The following CACNA2D4 variants were observed in gnomAD, a reference collection of about 807,000 sequenced individuals.
CACNA2D4 encodes calcium voltage-gated channel auxiliary subunit alpha2delta 4.
In CACNA2D4, 157 loss-of-function variants were observed where a neutral mutation model predicts 163.8. The ratio of observed to expected loss-of-function variants is 0.96; its 90% CI spans 0.84 to 1.09. The LOEUF (loss-of-function observed/expected upper bound fraction) is 1.09, where lower values mean the gene tolerates loss of function less well. CACNA2D4 is among the 50% of genes least tolerant of loss of function. The pLI, the probability that CACNA2D4 is intolerant of heterozygous loss-of-function variation, is 0.00. For synonymous variants in CACNA2D4, 598 were observed against 586.9 expected, an observed-to-expected ratio of 1.02 and a Z score of -0.27; for missense variants, 1,410 against 1,479.9, an observed-to-expected ratio of 0.95 and a Z score of 0.78.
At position 1,834,810 on chromosome 12, in the gene CACNA2D4, C is replaced by T; in HGVS notation, c.2551+5929G>A. The stretch of plus-strand genomic sequence containing the variant: ...GCTCCCACCTTGACCCGGCGCTGGC[C>T]ACTGCCTCCCCGAGTCCACCCTCCT... On this transcript the variant is annotated intron_variant, in intron 26 of 37. Coordinates refer to ENST00000382722, the MANE Select transcript of CACNA2D4 (RefSeq NM_172364.5). The surrounding 1 kb of genome is among the most constrained non-coding windows in gnomAD (Gnocchi z 7.6). The T allele has an allele frequency of 6.9e-7, 1 of 1,459,422 alleles. No homozygotes were observed. The highest frequency in any genetic ancestry group is 9.0e-7 in the Non-Finnish European group (1 of 1,109,318). 90.4% of individuals were successfully genotyped at this position (1,459,422 alleles called of 1,614,324 possible). A position where few individuals can be genotyped will look rare whatever the true frequency, so the allele number is the denominator to read the frequency against.
chr12:1,819,295 C>G (rs1357958586), intron 26 of CACNA2D4, among the ~76,000 whole-genome samples: 1 of 152,074 alleles, frequency 6.6e-6, no homozygotes, highest in Non-Finnish European at 1.5e-5. Flanking sequence ...GTGGGAGGCA[C>G]CAGCATGAGA....
chr12:1,836,725 G>A (rs1050819176), intron 26 of CACNA2D4: 20 of 152,664 alleles, frequency 1.3e-4, no homozygotes, highest in Admixed American at 1.2e-3. Context: ...TGTTTCAGAA[G>A]ACCAATAAAG....
In CACNA2D4 at chr12:1,800,927, G is replaced by C. The variant is rs376162064; in HGVS notation, c.2868+116C>G. 2.4e-5 allele frequency: 21 copies of C among 882,410 alleles called. No homozygotes were observed. In the African/African-American group the frequency reaches 3.3e-4, roughly 14 times the overall value. The allele number at this position is 882,410 out of a possible 1,614,324, so 54.7% of individuals were successfully genotyped here. A position where few individuals can be genotyped will look rare whatever the true frequency, so the allele number is the denominator to read the frequency against. ...GCAGAAGATGGAGATGGTCAAGGTA[G>C]GGCCCTGGGGCCAGACACCCAAGGT... On this transcript the variant is annotated intron_variant, in intron 31 of 37. Transcript: ENST00000382722.
chr12:1,844,546 G>A lies in CACNA2D4; in HGVS notation c.2343-17C>T. On this transcript the variant is annotated splice_polypyrimidine_tract_variant and intron_variant, in intron 24 of 37. Transcript: ENST00000382722. The surrounding 1 kb of genome is among the most constrained non-coding windows in gnomAD (Gnocchi z 4.2). Reference sequence around the variant, plus strand: ...AGGAACTTCCTGCAAGGAGGAAGATGTGGTACCTCTCCCCAGATCTGTGAA... The same window carrying A: ...AGGAACTTCCTGCAAGGAGGAAGATATGGTACCTCTCCCCAGATCTGTGAA... The A allele has an allele frequency of 1.9e-6, 3 of 1,610,600 alleles. No homozygotes were observed. Among genetic ancestry groups the A allele is most frequent in the East Asian group, 2.2e-5 (1 of 44,816 alleles).
chr12:1,910,193 C>T (rs1486070343), intron 3 of CACNA2D4, among the ~76,000 whole-genome samples: 1 of 152,258 alleles, frequency 6.6e-6, no homozygotes, highest in African/African-American at 2.4e-5. Flanking sequence ...AGCCCATCGG[C>T]AGAGGCCATG....
chr12:1,860,220 C>G lies in CACNA2D4; in HGVS notation c.1879-14G>C. The G allele has an allele frequency of 6.2e-7, 1 of 1,611,458 alleles. No individual in the cohort carries two copies. The highest frequency in any genetic ancestry group is 8.5e-7 in the Non-Finnish European group (1 of 1,178,192). ...AAGAACTCGCTTCTGAAAGAGTAGA[C>G]AAGGAAAGAGTGCTCACGCAGAGAA... On this transcript the variant is annotated splice_polypyrimidine_tract_variant and intron_variant, in intron 18 of 37. Transcript: ENST00000382722.
At position 1,833,391 on chromosome 12, in the gene CACNA2D4, C is replaced by T. The variant is rs78592391; in HGVS notation, c.2551+7348G>A. Among the ~76,000 whole-genome samples the T allele has an allele frequency of 0.12, 18,475 of 152,130 alleles. 1,422 individuals are homozygous for T. Among genetic ancestry groups the T allele is most frequent in the Non-Finnish European group, 0.17 (11,461 of 67,972 alleles). On this transcript the variant is annotated intron_variant, in intron 26 of 37. Coordinates refer to ENST00000382722, the MANE Select transcript of CACNA2D4 (RefSeq NM_172364.5). The surrounding 1 kb of genome is among the most constrained non-coding windows in gnomAD (Gnocchi z 4.2). The stretch of plus-strand genomic sequence containing the variant: ...AGGGGAGGTCTAGACAGATTATTGT[C>T]CTCAACCACCTTCTCTCTCACCCCA...
Position 1,884,994 on chromosome 12 carries a change from A to C in CACNA2D4, c.1151T>G (p.Leu384Arg). Residue 384 changes from leucine (L) to arginine (R), a missense_variant, in exon 10 of 38, where the codon CTG (leucine) becomes CGG (arginine). Coordinates refer to ENST00000382722, the MANE Select transcript of CACNA2D4 (RefSeq NM_172364.5). ...CCTCATTACAGTGGGCACCTGCTTC[A>C]GGATCTGGAAGGCTTCTCTCAGGGC... Reference protein sequence around the residue: ...DQALREAFQILKQFQEAKQGS... With the variant: ...DQALREAFQIRKQFQEAKQGS... 1 of 1,613,586 alleles carries C rather than the reference A, an allele frequency of 6.2e-7. No homozygotes were observed. Among genetic ancestry groups the C allele is most frequent in the Non-Finnish European group, 8.5e-7 (1 of 1,179,572 alleles).
At position 1,793,106 on chromosome 12, in the gene CACNA2D4, G is replaced by T. The variant is rs1863022297; in HGVS notation, c.*549C>A. On this transcript the variant is annotated 3_prime_UTR_variant, in exon 38 of 38. Transcript: ENST00000382722. ...ACAGTCAAAACCTTTTCGAGCAGCA[G>T]CTAGGAAGGTGAGTGGCCTCCCACC... The T allele has an allele frequency of 6.5e-6, 1 of 154,010 alleles. No individual in the cohort carries two copies. Among genetic ancestry groups the T allele is most frequent in the African/African-American group, 2.4e-5 (1 of 41,452 alleles). 9.5% of individuals were successfully genotyped at this position (154,010 alleles called of 1,614,324 possible).
At chr12:1,866,732 C>T (rs893595546) in intron 18 of CACNA2D4, among the ~76,000 whole-genome samples, 11 of 151,932 alleles carry the variant, frequency 7.2e-5, no homozygotes, top group South Asian at 2.1e-4. Flanking sequence ...GTGATTCTCC[C>T]GCCTCAATCT....
intron 26 of CACNA2D4, chr12:1,836,055 G>A (rs1592699053): frequency 1.3e-5 from 2 of 148,642 alleles, no homozygotes; most frequent in East Asian, 3.9e-4. Flanking sequence ...GGGTGGCCAC[G>A]TGCTGCCCAG....
chr12:1,845,610 C>T (rs910955939), intron 24 of CACNA2D4, among the ~76,000 whole-genome samples: 1 of 152,078 alleles, frequency 6.6e-6, no homozygotes. Flanking sequence ...GGGCTGCTCT[C>T]CAGGTGCCTG....
chr12:1,840,743 A>G lies in CACNA2D4; in HGVS notation c.2547T>C (p.Ala849=). The G allele has an allele frequency of 6.2e-7, 1 of 1,613,720 alleles. No individual in the cohort carries two copies. Among genetic ancestry groups the G allele is most frequent in the Non-Finnish European group, 8.5e-7 (1 of 1,179,732 alleles). ...CACCACAAGGGCCGTTCCTACCTGC[A>G]GCAATGGCTGTCCTCTTGTCCACGG... ...AVTVDKRTAI[A]AAAGVQMKLE... is the part of the protein sequence containing the mutation. Residue 849 remains alanine, a synonymous_variant, in exon 26 of 38, where the codon GCT becomes GCC. Coordinates refer to ENST00000382722, the MANE Select transcript of CACNA2D4 (RefSeq NM_172364.5).
chr12:1,858,656 G>C lies in CACNA2D4; in HGVS notation c.1941-12C>G. 6.3e-7 allele frequency: 1 copy of C among 1,582,988 alleles called. No individual in the cohort carries two copies. On this transcript the variant is annotated splice_polypyrimidine_tract_variant and intron_variant, in intron 19 of 37. Coordinates refer to ENST00000382722, the MANE Select transcript of CACNA2D4 (RefSeq NM_172364.5). ...GCACCACCCCCAAACTGTGGGGAGAGAAGAGAAGGCACTCATTCAGCAGCA... is the reference window on the plus strand; with the variant it reads ...GCACCACCCCCAAACTGTGGGGAGACAAGAGAAGGCACTCATTCAGCAGCA...
chr12:1,854,348 T>A (rs778035903), intron 22 of CACNA2D4, among the ~76,000 whole-genome samples: 3 of 152,170 alleles, frequency 2.0e-5, no homozygotes, highest in Non-Finnish European at 4.4e-5. Context: ...TCTCAACTCT[T>A]CCTCATCTGC....
chr12:1,864,175 G>C (rs1432648347), intron 18 of CACNA2D4, among the ~76,000 whole-genome samples: 3 of 152,148 alleles, frequency 2.0e-5, no homozygotes, highest in African/African-American at 4.8e-5. Context: ...TCAGCCTAAC[G>C]GTGAGCCGAC....
At chr12:1,912,078 G>A (rs1264342971) in intron 3 of CACNA2D4, among the ~76,000 whole-genome samples, 2 of 152,238 alleles carry the variant, frequency 1.3e-5, no homozygotes, top group Non-Finnish European at 2.9e-5. Flanking sequence ...CCAGAGTGGG[G>A]GTTGTGATGG....
At chr12:1,846,265 C>A (rs1471695000) in intron 24 of CACNA2D4, among the ~76,000 whole-genome samples, 1 of 152,216 alleles carries the variant, frequency 6.6e-6, no homozygotes, top group Admixed American at 6.5e-5. Context: ...GATTCTCCGA[C>A]CAACCCTCAA....
In CACNA2D4 at chr12:1,847,079, G is replaced by T. The variant is rs192659285; in HGVS notation, c.2247-390C>A. On this transcript the variant is annotated intron_variant, in intron 23 of 37. Coordinates refer to ENST00000382722, the MANE Select transcript of CACNA2D4 (RefSeq NM_172364.5). ...GCCCAGCACGTACCAGGCACCTCCT[G>T]GTCTTACAGCCCTCCTCATACTTCC... 1.2e-3 allele frequency among the ~76,000 whole-genome samples: 178 copies of T among 152,312 alleles called. 2 individuals are homozygous for T. Among genetic ancestry groups the T allele is most frequent in the South Asian group, 8.3e-3 (40 of 4,832 alleles).
Sources: gnomAD v4.1 joint callset for allele counts (sites outside exome capture counted in the v4.1 genomes callset) on GRCh38, gnomAD v4.1.1 for gene constraint, Gnocchi (gnomAD v3.1) non-coding constraint, MANE v1.5 for transcripts, NCBI Gene and HGNC (gene_info 2026-07-23, HGNC 2026-07-21) for gene names.